The following CACNB2 variants were observed in gnomAD, a reference collection of about 807,000 sequenced individuals.
The protein encoded by CACNB2 is calcium voltage-gated channel auxiliary subunit beta 2.
CACNB2 carries 42 observed loss-of-function variants against 73.3 expected under a neutral mutation model. That is an observed-to-expected ratio of 0.57 (90% CI 0.45 to 0.74). The LOEUF is 0.74. Ranked by LOEUF, CACNB2 falls within the 30% of genes least tolerant of loss-of-function variation. The probability of loss-of-function intolerance (pLI) is 0.00; values close to 1 mark genes in which losing one functional copy is unlikely to be tolerated. For missense variants in CACNB2, 940 were observed against 853.0 expected (o/e 1.10, Z -1.27); for synonymous variants, 348 against 310.3 (o/e 1.12, Z -1.28).
intron 2 of CACNB2, among the ~76,000 whole-genome samples, chr10:18,363,240 T>G (rs1284395060): frequency 6.6e-6 from 1 of 152,178 alleles, no homozygotes; most frequent in Non-Finnish European, 1.5e-5. Context: ...AAGATCAATT[T>G]CAAAAGTATT....
intron 3 of CACNB2, among the ~76,000 whole-genome samples, chr10:18,492,620 C>CAAAAAAAAAAAAAAAAAA (rs371407084): frequency 6.6e-5 from 6 of 90,440 alleles, no homozygotes; most frequent in South Asian, 9.1e-4. Context: ...GACTCTGTCT[C>CAAAAAAAAAAAAAAAAAA]AAAAAAAAAA....
At position 18,316,078 on chromosome 10, in the gene CACNB2, A is replaced by C. The variant is rs1298009821; in HGVS notation, c.214-85846A>C. ...TGACTCTCCAAATTCCCAAAATTTT[A>C]ACAGTCAGGCAGGCCAGCTCCAGGA... On this transcript the variant is annotated intron_variant, in intron 2 of 13. Coordinates refer to ENST00000324631, the MANE Select transcript of CACNB2 (RefSeq NM_201596.3). Among the ~76,000 whole-genome samples, 6 of 152,220 alleles carry C rather than the reference A, an allele frequency of 3.9e-5. No homozygotes were observed. In the East Asian group the frequency reaches 9.6e-4, roughly 24 times the overall value.
At chr10:18,367,953 A>G (rs2042423366) in intron 2 of CACNB2, among the ~76,000 whole-genome samples, 1 of 152,196 alleles carries the variant, frequency 6.6e-6, no homozygotes, top group African/African-American at 2.4e-5. Flanking sequence ...TATGTTAAAG[A>G]ATATATTTTG....
intron 2 of CACNB2, among the ~76,000 whole-genome samples, chr10:18,390,533 T>C (rs1398623922): frequency 1.3e-5 from 2 of 152,188 alleles, no homozygotes; most frequent in Non-Finnish European, 2.9e-5. Context: ...TCTTTGGTAG[T>C]AGAGAGTCTA....
Position 18,448,044 on chromosome 10 carries a change from C to T in CACNB2, c.333+46001C>T, listed in dbSNP as rs149904819. On this transcript the variant is annotated intron_variant, in intron 3 of 13. Coordinates refer to ENST00000324631, the MANE Select transcript of CACNB2 (RefSeq NM_201596.3). Reference sequence around the variant, plus strand: ...TCTTGCTCTGTTGCCCAGGCTGGAGCGTAGTGGTACAGTCACAGCTCACTG... The same window carrying T: ...TCTTGCTCTGTTGCCCAGGCTGGAGTGTAGTGGTACAGTCACAGCTCACTG... Among the ~76,000 whole-genome samples, 794 of 152,160 alleles carry T rather than the reference C, an allele frequency of 5.2e-3. 9 individuals carry two copies. The highest frequency in any genetic ancestry group is 0.018 in the African/African-American group (740 of 41,526).
At chr10:18,373,494 T>A (rs1365768269) in intron 2 of CACNB2, among the ~76,000 whole-genome samples, 1 of 152,186 alleles carries the variant, frequency 6.6e-6, no homozygotes, top group Non-Finnish European at 1.5e-5. Context: ...TATGCAAAAT[T>A]TACAGATGAG....
intron 2 of CACNB2, among the ~76,000 whole-genome samples, chr10:18,264,414 A>G (rs940586604): frequency 2.0e-5 from 3 of 152,216 alleles, no homozygotes; most frequent in South Asian, 2.1e-4. Flanking sequence ...TTATATAAGC[A>G]TTGAGCTTGA....
intron 9 of CACNB2, among the ~76,000 whole-genome samples, chr10:18,524,215 T>G (rs915038650): frequency 8.5e-5 from 13 of 152,176 alleles, no homozygotes; most frequent in Middle Eastern, 3.4e-3. Context: ...CGGTTTTTTT[T>G]TTTTGTTTTT....
At chr10:18,311,431 C>T (rs2039962542) in intron 2 of CACNB2, among the ~76,000 whole-genome samples, 1 of 152,034 alleles carries the variant, frequency 6.6e-6, no homozygotes. Flanking sequence ...ACCCATTGCA[C>T]AGTTGGAAAT....
At chr10:18,365,851 T>C (rs1021488694) in intron 2 of CACNB2, among the ~76,000 whole-genome samples, 2 of 152,170 alleles carry the variant, frequency 1.3e-5, no homozygotes, top group African/African-American at 4.8e-5. Flanking sequence ...TGAAGGAAAC[T>C]CAGATCAAGA....
intron 6 of CACNB2, among the ~76,000 whole-genome samples, chr10:18,508,381 AG>A (rs950793283): frequency 6.6e-6 from 1 of 152,188 alleles, no homozygotes; most frequent in African/African-American, 2.4e-5. Flanking sequence ...GAATCCACAG[AG>A]GAAGGGAGGC....
intron 2 of CACNB2, among the ~76,000 whole-genome samples, chr10:18,217,618 G>A (rs2035565855): frequency 6.6e-6 from 1 of 151,884 alleles, no homozygotes; most frequent in Non-Finnish European, 1.5e-5. Context: ...TAAGCAGGGA[G>A]GTCAAGATGG....
chr10:18,318,785 G>C (rs1026204750), intron 2 of CACNB2, among the ~76,000 whole-genome samples: 1 of 152,138 alleles, frequency 6.6e-6, no homozygotes, highest in Non-Finnish European at 1.5e-5. Context: ...CAAAAAGTGG[G>C]CCAAGGATAT....
At chr10:18,394,136 T>G (rs1458326024) in intron 2 of CACNB2, among the ~76,000 whole-genome samples, 1 of 151,958 alleles carries the variant, frequency 6.6e-6, no homozygotes, top group Non-Finnish European at 1.5e-5. Flanking sequence ...CAGACAGGGT[T>G]TCACCATATT....
rs10828677 is a variant in CACNB2, at chr10:18,420,879, A to T, written c.333+18836A>T. Among the ~76,000 whole-genome samples, 8 of 152,154 alleles carry T rather than the reference A, an allele frequency of 5.3e-5. No individual in the cohort carries two copies. The South Asian group carries it at 6.2e-4, about 12-fold the overall frequency. On this transcript the variant is annotated intron_variant, in intron 3 of 13. Transcript: ENST00000324631. ...CAAGAAGAACTGAAAATAATTTTTT[A>T]AAAAAATTTAAACCATAGTCATGTT...
intron 2 of CACNB2, among the ~76,000 whole-genome samples, chr10:18,333,188 G>A (rs1300038441): frequency 2.0e-5 from 3 of 152,100 alleles, no homozygotes; most frequent in Non-Finnish European, 2.9e-5. Context: ...GCAGTTAGTC[G>A]TAATATGCTT....
At chr10:18,356,019 G>T (rs1282640867) in intron 2 of CACNB2, among the ~76,000 whole-genome samples, 1 of 152,174 alleles carries the variant, frequency 6.6e-6, no homozygotes, top group East Asian at 1.9e-4. Flanking sequence ...CTTTCTGGAA[G>T]GTTTCTGTAA....
chr10:18,525,643 C>A (rs1023618313), intron 9 of CACNB2, among the ~76,000 whole-genome samples: 2 of 151,984 alleles, frequency 1.3e-5, no homozygotes, highest in Non-Finnish European at 2.9e-5. Context: ...GTGTGCCGGA[C>A]CCTTTCAATT....
chr10:18,532,494 G>C (rs751790796), intron 10 of CACNB2, among the ~76,000 whole-genome samples: 1 of 151,872 alleles, frequency 6.6e-6, no homozygotes, highest in Non-Finnish European at 1.5e-5. Context: ...CCAACATGGT[G>C]AAACGCCATC....
Sources: gnomAD v4.1 joint callset for allele counts (sites outside exome capture counted in the v4.1 genomes callset) on GRCh38, gnomAD v4.1.1 for gene constraint, MANE v1.5 for transcripts, NCBI Gene and HGNC (gene_info 2026-07-23, HGNC 2026-07-21) for gene names.